PLCH2: variants seen among roughly 807,000 people sequenced by gnomAD.
PLCH2 encodes the protein phospholipase C eta 2.
Under a neutral mutation model 134.7 loss-of-function variants are expected in PLCH2, and 98 were observed. That is an observed-to-expected ratio of 0.73 (90% CI 0.62 to 0.86). The LOEUF (loss-of-function observed/expected upper bound fraction) is 0.86, where lower values mean the gene tolerates loss of function less well. PLCH2 is among the 40% of genes least tolerant of loss of function. The pLI is 0.00. For synonymous variants in PLCH2, 974 were observed against 827.5 expected (o/e 1.18, Z -3.04); for missense variants, 1,994 against 1,986.6 (o/e 1.00, Z -0.07).
chr1:2,429,828 A>T (rs1380565719), intron 1 of PLCH2, among the ~76,000 whole-genome samples: 1 of 152,024 alleles, frequency 6.6e-6, no homozygotes, highest in Non-Finnish European at 1.5e-5. Context: ...TTGTGCTGTG[A>T]GGGCTGGCAA....
Position 2,504,775 on chromosome 1 carries a change from C to T in PLCH2, c.3813C>T (p.Gly1271=), listed in dbSNP as rs371610773. ...TADDFAPSFE[G]GSRRLSHSLG... ...ATGACTTTGCCCCTAGCTTTGAGGG[C>T]GGCTCCCGCAGACTGAGCCACAGCC... Residue 1271 remains glycine (G), a synonymous_variant, in exon 22 of 22, where the codon GGC becomes GGT. Coordinates refer to ENST00000378486, the MANE Select transcript of PLCH2 (RefSeq NM_014638.4). The T allele has an allele frequency of 2.4e-5, 38 of 1,612,060 alleles. No individual in the cohort carries two copies. Among genetic ancestry groups the T allele is most frequent in the South Asian group, 8.8e-5 (8 of 91,070 alleles).
chr1:2,416,501 C>T, the PLCH2 span, among the ~76,000 whole-genome samples: 1 of 152,188 alleles, frequency 6.6e-6, no homozygotes, highest in South Asian at 2.1e-4. Flanking sequence ...CCGCACTCCA[C>T]CCGTCTGTGG....
intron 1 of PLCH2, among the ~76,000 whole-genome samples, chr1:2,468,055 G>A (rs185434657): frequency 1.9e-3 from 291 of 152,302 alleles, no homozygotes; most frequent in African/African-American, 6.6e-3. Context: ...TGATCCCAGC[G>A]GATGCACACT....
At chr1:2,442,346 G>GC (rs1639729889) in intron 2 of PLCH2, among the ~76,000 whole-genome samples, 1 of 152,158 alleles carries the variant, frequency 6.6e-6, no homozygotes, top group Non-Finnish European at 1.5e-5. Flanking sequence ...CTACGCCAGG[G>GC]CCAGATGGTG....
In PLCH2 at chr1:2,505,255, C is replaced by T; in HGVS notation, c.*42C>T. ...CCTGGGCGGCTCTGGAGGCCCAGGGCAGGGGTGGGCGTGTTGTTTGCTCAG... is the reference window on the plus strand; with the variant it reads ...CCTGGGCGGCTCTGGAGGCCCAGGGTAGGGGTGGGCGTGTTGTTTGCTCAG... On this transcript the variant is annotated 3_prime_UTR_variant, in exon 22 of 22. Coordinates refer to ENST00000378486, the MANE Select transcript of PLCH2 (RefSeq NM_014638.4). 1 of 1,449,144 alleles carries T rather than the reference C, an allele frequency of 6.9e-7. No individual in the cohort carries two copies. The allele number at this position is 1,449,144 out of a possible 1,614,324, so 89.8% of individuals were successfully genotyped here.
In PLCH2 at chr1:2,505,121, C is replaced by G; in HGVS notation, c.4159C>G (p.His1387Asp). Reference sequence around the variant, plus strand: ...CCCCGAGGGCGCCTGCTCCGTGGGCCACGAGGGCAGTGTGGATGCACCAGC... The same window carrying G: ...CCCCGAGGGCGCCTGCTCCGTGGGCGACGAGGGCAGTGTGGATGCACCAGC... Reference protein sequence around the residue: ...GTPEGACSVGHEGSVDAPAPS... With the variant: ...GTPEGACSVGDEGSVDAPAPS... Residue 1387 changes from histidine to aspartate, a missense_variant, in exon 22 of 22, where the codon CAC (histidine) becomes GAC (aspartate). Coordinates refer to ENST00000378486, the MANE Select transcript of PLCH2 (RefSeq NM_014638.4). 6.5e-7 allele frequency: 1 copy of G among 1,549,202 alleles called. No homozygotes were observed. Among genetic ancestry groups the G allele is most frequent in the Non-Finnish European group, 8.6e-7 (1 of 1,156,328 alleles).
At chr1:2,465,775 TG>T (rs1641031374), upstream of PLCH2, among the ~76,000 whole-genome samples, 1 of 152,150 alleles carries the variant, frequency 6.6e-6, no homozygotes, top group South Asian at 2.1e-4. Context: ...CGGGCGGGGC[TG>T]GCCCTGAGGA....
Position 2,427,962 on chromosome 1 carries a change from G to A in PLCH2, c.-178+1925G>A, listed in dbSNP as rs554029925. On this transcript the variant is annotated intron_variant, in intron 1 of 3. Coordinates refer to the PLCH2 transcript ENST00000609981. ...CTGAGTGGGTGACACTTCATCCTCCGGGGGCTTCGAGGGCAGAGGTCCCTG... is the reference window on the plus strand; with the variant it reads ...CTGAGTGGGTGACACTTCATCCTCCAGGGGCTTCGAGGGCAGAGGTCCCTG... Among the ~76,000 whole-genome samples, 8 of 152,250 alleles carry A rather than the reference G, an allele frequency of 5.3e-5. No homozygotes were observed. The South Asian group carries it at 6.2e-4, about 12-fold the overall frequency.
chr1:2,494,825 C>T lies in PLCH2; in HGVS notation c.1660-31C>T, dbSNP rs181706351. On this transcript the variant is annotated intron_variant, in intron 11 of 21. Transcript: ENST00000378486. ...TCCCTGCCTGGTTCAAGGCTAGACT[C>T]ACCTTGTCCCTGTCTCTCCCCTGGA... 549 of 1,500,580 alleles carry T rather than the reference C, an allele frequency of 3.7e-4. 3 individuals carry two copies. The East Asian group carries it at 0.012, about 33-fold the overall frequency. 93.0% of individuals were successfully genotyped at this position (1,500,580 alleles called of 1,614,324 possible).
chr1:2,460,959 C>CCTGGT (rs1179447398), intron 2 of PLCH2, among the ~76,000 whole-genome samples: 1 of 152,212 alleles, frequency 6.6e-6, no homozygotes, highest in Non-Finnish European at 1.5e-5. Context: ...TGGGTGCCAG[C>CCTGGT]CTGGTGGCGT....
At chr1:2,469,834 C>CG (rs1474695227) in intron 1 of PLCH2, among the ~76,000 whole-genome samples, 1 of 152,192 alleles carries the variant, frequency 6.6e-6, no homozygotes, top group African/African-American at 2.4e-5. Flanking sequence ...CAGGACAGGA[C>CG]GTTTCCTCTG....
Position 2,504,679 on chromosome 1 carries a change from C to T in PLCH2, c.3717C>T (p.Cys1239=), listed in dbSNP as rs561121397. Residue 1239 remains cysteine, a synonymous_variant, in exon 22 of 22, where the codon TGC becomes TGT. Coordinates refer to ENST00000378486, the MANE Select transcript of PLCH2 (RefSeq NM_014638.4). Reference sequence around the variant, plus strand: ...TCCCCTTCCGGCCTCCCTGGGGCTGCCTTTCCCTGGTGGGCGTGCAGGACT... The same window carrying T: ...TCCCCTTCCGGCCTCCCTGGGGCTGTCTTTCCCTGGTGGGCGTGCAGGACT... ...AGLPFRPPWG[C]LSLVGVQDCP... is the part of the protein sequence containing the mutation. 6.2e-7 allele frequency: 1 copy of T among 1,612,618 alleles called. No homozygotes were observed. Among genetic ancestry groups the T allele is most frequent in the Non-Finnish European group, 8.5e-7 (1 of 1,179,810 alleles).
rs1642783701 is a variant in PLCH2, at chr1:2,494,769, C to G, written c.1660-87C>G. On this transcript the variant is annotated intron_variant, in intron 11 of 21. Transcript: ENST00000378486. ...CTCAAGCCCACCTCTTCCAGGAAGG[C>G]CTTCTGGGACCACCAGGGGCTGTCC... 5 of 843,398 alleles carry G rather than the reference C, an allele frequency of 5.9e-6. No individual in the cohort carries two copies. In the Admixed American group the frequency reaches 1.0e-4, roughly 18 times the overall value. 52.2% of individuals were successfully genotyped at this position (843,398 alleles called of 1,614,324 possible).
chr1:2,445,999 G>A (rs538680795), intron 2 of PLCH2, among the ~76,000 whole-genome samples: 1 of 152,318 alleles, frequency 6.6e-6, no homozygotes, highest in South Asian at 2.1e-4. Context: ...AGAGCCCCAA[G>A]AGCTGCCTGC....
rs1639860062 is a variant in PLCH2, at chr1:2,444,716, A to C, written c.115+14087A>C. Among the ~76,000 whole-genome samples the C allele has an allele frequency of 6.6e-6, 1 of 151,936 alleles. No individual in the cohort carries two copies. The highest frequency in any genetic ancestry group is 6.6e-5 in the Admixed American group (1 of 15,266). ...CTGTCTGGTGACACTGGAGGCAGCC[A>C]AGGTGGCCACTGATCCCCACTGTGA... On this transcript the variant is annotated intron_variant, in intron 2 of 3. Coordinates refer to the PLCH2 transcript ENST00000609981. This position sits in a 1 kb window ranked among gnomAD's most constrained non-coding sequence, Gnocchi z 4.6.
At chr1:2,478,347 G>A (rs1016562463) in intron 1 of PLCH2, 129 bp from the exon 2 acceptor site, 11 of 1,147,304 alleles carry the variant, frequency 9.6e-6, no homozygotes, top group Admixed American at 2.0e-5. Context: ...GCGAGGTGAG[G>A]AGTGGCCGTG....
At chr1:2,490,027 T>TGCCC (rs1231205476) in intron 10 of PLCH2, among the ~76,000 whole-genome samples, 160 bp downstream of exon 10, 1 of 67,878 alleles carries the variant, frequency 1.5e-5, no homozygotes, top group Non-Finnish European at 2.9e-5. Context: ...GGGTCCTCCC[T>TGCCC]GCCCACCCAC....
rs558261253 is a variant in PLCH2 at position 2,494,925 on chromosome 1, G to A, written c.1729G>A (p.Val577Met). Reference protein sequence around the residue: ...GASRRNGRLVVGSFSRRKKKG... With the variant: ...GASRRNGRLVMGSFSRRKKKG... ...CAGCAGACGCAATGGCCGCCTCGTC[G>A]TGGGAAGCTTCTCCAGGCGCAAGGT... Residue 577 changes from valine (V) to methionine (M), a missense_variant, in exon 12 of 22, where the codon GTG (valine) becomes ATG (methionine). Transcript: ENST00000378486. 96 of 1,599,328 alleles carry A rather than the reference G, an allele frequency of 6.0e-5. No homozygotes were observed. The highest frequency in any genetic ancestry group is 1.7e-4 in the Middle Eastern group (1 of 6,048).
intron 4 of PLCH2, among the ~76,000 whole-genome samples, chr1:2,480,556 C>T (rs946725071): frequency 1.4e-4 from 22 of 152,218 alleles, no homozygotes; most frequent in Admixed American, 1.3e-4. Context: ...GCTGCTCTGC[C>T]AGCTCTGGGG....
Sources: gnomAD v4.1 joint callset for allele counts (sites outside exome capture counted in the v4.1 genomes callset) on GRCh38, gnomAD v4.1.1 for gene constraint, Gnocchi (gnomAD v3.1) non-coding constraint, MANE v1.5 for transcripts, NCBI Gene and HGNC (gene_info 2026-07-23, HGNC 2026-07-21) for gene names.